The following SIRT2 variants were observed in gnomAD, a reference collection of about 807,000 sequenced individuals.
SIRT2 encodes sirtuin 2, also known as NAD-dependent protein deacetylase sirtuin-2.
In SIRT2, 40 loss-of-function variants were observed where a neutral mutation model predicts 57.4. The observed-to-expected ratio is 0.70, with a 90% CI of 0.54 to 0.91. The LOEUF is 0.91. SIRT2 is among the 40% of genes least tolerant of loss of function. The pLI is 0.00. For synonymous variants in SIRT2, 161 were observed against 195.7 expected (o/e 0.82, Z 1.48); for missense variants, 439 against 510.4 (o/e 0.86, Z 1.35).
At chr19:38,899,107 T>C (rs1329226139) in intron 1 of SIRT2, among the ~76,000 whole-genome samples, 2 of 151,710 alleles carry the variant, frequency 1.3e-5, no homozygotes, top group Non-Finnish European at 2.9e-5. Context: ...GTGGAGGCGG[T>C]AGGTTTAGGA....
intron 2 of SIRT2, 157 bp from the exon 3 acceptor site, chr19:38,894,024 C>G: frequency 1.4e-6 from 2 of 1,443,168 alleles, no homozygotes; most frequent in Non-Finnish European, 1.8e-6. Flanking sequence ...CTCCAGGGCT[C>G]TGGGACAGGC....
intron 8 of SIRT2, among the ~76,000 whole-genome samples, chr19:38,886,620 A>ATG (rs1568399797): frequency 7.2e-6 from 1 of 138,720 alleles, no homozygotes; most frequent in South Asian, 2.3e-4. Context: ...TGCCTGGCTA[A>ATG]TTTTTTTTTT....
At position 38,889,752 on chromosome 19, in the gene SIRT2, G is replaced by T. The variant is rs761795880; in HGVS notation, c.376-7C>A. On this transcript the variant is annotated splice_polypyrimidine_tract_variant and splice_region_variant and intron_variant, in intron 6 of 15. Transcript: ENST00000249396. ...AGAAGGGTTCCGGATGTTTCTGTAG[G>T]AGAGACAGCCAGAGGGCCAGATGCC... 1.2e-6 allele frequency: 2 copies of T among 1,614,168 alleles called. No homozygotes were observed. Among genetic ancestry groups the T allele is most frequent in the Non-Finnish European group, 1.7e-6 (2 of 1,180,028 alleles).
At position 38,880,920 on chromosome 19, in the gene SIRT2, G is replaced by A. The variant is rs200181575; in HGVS notation, c.748-23C>T. ...GTCCTGCGGGGAGGGGCGTGAGCTT[G>A]GGAGCCTCCGCCCAGGCTGCGCCAC... On this transcript the variant is annotated intron_variant, in intron 11 of 15. Coordinates refer to ENST00000249396, the MANE Select transcript of SIRT2 (RefSeq NM_012237.4). The surrounding 1 kb of genome is among the most constrained non-coding windows in gnomAD (Gnocchi z 4.1). The A allele has an allele frequency of 6.2e-7, 1 of 1,608,436 alleles. No homozygotes were observed. The highest frequency in any genetic ancestry group is 8.5e-7 in the Non-Finnish European group (1 of 1,175,840).
chr19:38,891,706 A>G, intron 4 of SIRT2: 1 of 353,828 alleles, frequency 2.8e-6, no homozygotes, highest in Non-Finnish European at 5.8e-6. Flanking sequence ...AAATGGTGGG[A>G]TTATAGGCCT....
At chr19:38,889,034 C>T in intron 8 of SIRT2, 53 bp downstream of exon 8, 1 of 1,539,342 alleles carries the variant, frequency 6.5e-7, no homozygotes, top group Non-Finnish European at 8.9e-7. Context: ...GCTGAGGACA[C>T]CATGCCCGTT....
Position 38,883,795 on chromosome 19 carries a change from G to C in SIRT2, c.502-39C>G, listed in dbSNP as rs758124649. The C allele has an allele frequency of 4.4e-6, 7 of 1,608,600 alleles. No individual in the cohort carries two copies. The Admixed American group carries it at 1.0e-4, about 23-fold the overall frequency. ...TGGAGGGAAGAGGGGTGAGGAGTGA[G>C]CCACCCCTTGTAGGCCAGAAGGCAC... On this transcript the variant is annotated intron_variant, in intron 8 of 15. Transcript: ENST00000249396.
In SIRT2 at chr19:38,891,203, G is replaced by A. The variant is rs1419079786; in HGVS notation, c.227-1059C>T. ...TATCAAATAATAGGGCACTTGTAAA[G>A]TGCTGAGCCCAGTGCCTGGCAAATA... On this transcript the variant is annotated intron_variant, in intron 4 of 15. Transcript: ENST00000249396. Among the ~76,000 whole-genome samples, 6 of 152,196 alleles carry A rather than the reference G, an allele frequency of 3.9e-5. 1 individual carries two copies. Among genetic ancestry groups the A allele is most frequent in the Admixed American group, 3.3e-4 (5 of 15,276 alleles).
At chr19:38,881,884 C>T (rs1157666593) in intron 9 of SIRT2, among the ~76,000 whole-genome samples, 5 of 151,770 alleles carry the variant, frequency 3.3e-5, no homozygotes, top group East Asian at 1.9e-4. Flanking sequence ...GACAGGGTTT[C>T]GCCATGTTGC....
chr19:38,891,110 CT>C (rs1212492086), intron 4 of SIRT2, among the ~76,000 whole-genome samples: 11 of 152,246 alleles, frequency 7.2e-5, no homozygotes, highest in Non-Finnish European at 1.5e-4. Flanking sequence ...GAGTCGTGAC[CT>C]TTTTGTGCCT....
rs1483937466 is a variant in SIRT2 at position 38,879,509 on chromosome 19, C to G, written c.948-9G>C. 1 of 1,601,558 alleles carries G rather than the reference C, an allele frequency of 6.2e-7. No homozygotes were observed. The highest frequency in any genetic ancestry group is 8.5e-7 in the Non-Finnish European group (1 of 1,173,996). ...CCAGCCAGGCCACGTCCCTGCGGTG[C>G]AGCAGGAGATCAGAGTTCCCAGGCG... On this transcript the variant is annotated splice_polypyrimidine_tract_variant and intron_variant, in intron 14 of 15. Transcript: ENST00000249396.
Position 38,883,669 on chromosome 19 carries a change from T to C in SIRT2, c.589A>G (p.Ser197Gly). 1 of 1,614,168 alleles carries C rather than the reference T, an allele frequency of 6.2e-7. No individual in the cohort carries two copies. Among genetic ancestry groups the C allele is most frequent in the Non-Finnish European group, 8.5e-7 (1 of 1,179,992 alleles). ...GGGTATTCGTGCCGGCAGCTGGCGC[T>C]GACGCAGTGTGATGTGTAGAAGGTG... ...HGTFYTSHCV[S>G]ASCRHEYPLS... The change falls in exon 9 of 16, where the codon AGC becomes GGC. Residue 197 changes from serine to glycine, a missense_variant. By Grantham distance (56) the Ser-to-Gly change is moderately conservative (BLOSUM62 0). Coordinates refer to ENST00000249396, the MANE Select transcript of SIRT2 (RefSeq NM_012237.4).
chr19:38,898,636 G>A (rs936606622), intron 1 of SIRT2: 7 of 392,702 alleles, frequency 1.8e-5, no homozygotes, highest in South Asian at 1.9e-4. Flanking sequence ...TTAGTGAGGG[G>A]CAGAGAGGCT....
In SIRT2 at chr19:38,880,990, C is replaced by G; in HGVS notation, c.748-93G>C. The stretch of plus-strand genomic sequence containing the variant: ...AGCAGCAAACCTCCCTGCCGCCCCC[C>G]ATAGCTGGGGAGGTGACCTTTCCTG... On this transcript the variant is annotated intron_variant, in intron 11 of 15. Coordinates refer to ENST00000249396, the MANE Select transcript of SIRT2 (RefSeq NM_012237.4). This position sits in a 1 kb window ranked among gnomAD's most constrained non-coding sequence, Gnocchi z 4.1. 6.5e-7 allele frequency: 1 copy of G among 1,545,080 alleles called. No individual in the cohort carries two copies. The highest frequency in any genetic ancestry group is 1.1e-5 in the South Asian group (1 of 88,642).
At chr19:38,898,778 T>G (rs1461309665) in intron 1 of SIRT2, 1 of 229,432 alleles carries the variant, frequency 4.4e-6, no homozygotes, top group Non-Finnish European at 8.5e-6. Flanking sequence ...AGCCATTGTT[T>G]CTGGCCCTGA....
At chr19:38,881,932 G>A (rs942777001) in intron 9 of SIRT2, among the ~76,000 whole-genome samples, 1 of 148,288 alleles carries the variant, frequency 6.7e-6, no homozygotes, top group Non-Finnish European at 1.5e-5. Flanking sequence ...AAGCAAATCT[G>A]CCCACTTTGG....
chr19:38,883,075 GTTTTTTTTTTT>G (rs61706756), intron 9 of SIRT2, among the ~76,000 whole-genome samples: 1 of 110,406 alleles, frequency 9.1e-6, no homozygotes, highest in Non-Finnish European at 1.9e-5. Flanking sequence ...GTGACTTCTT[GTTTTTTTTTTT>G]TTTTTTTTTT....
intron 4 of SIRT2, 78 bp from the exon 5 acceptor site, chr19:38,890,222 A>C: frequency 2.1e-6 from 3 of 1,447,082 alleles, no homozygotes. Flanking sequence ...ACAGCCCCTG[A>C]CATCGTTTAC....
chr19:38,888,258 G>A (rs1269530300), intron 8 of SIRT2, among the ~76,000 whole-genome samples: 1 of 151,832 alleles, frequency 6.6e-6, no homozygotes, highest in African/African-American at 2.4e-5. Flanking sequence ...CTGCAGTCTT[G>A]ACTTCCTGAA....
Sources: allele counts gnomAD v4.1 joint callset (sites outside exome capture counted in the v4.1 genomes callset), GRCh38; gene constraint gnomAD v4.1.1; non-coding constraint Gnocchi (gnomAD v3.1); transcripts MANE v1.5; gene names NCBI Gene and HGNC (gene_info 2026-07-23, HGNC 2026-07-21).